Variants in GALNT13 observed in about 807,000 individuals in gnomAD.
GALNT13 encodes polypeptide N-acetylgalactosaminyltransferase 13, also known as UDP-GalNAc:polypeptide N-acetylgalactosaminyltransferase 13.
In GALNT13, 28 loss-of-function variants were observed where a neutral mutation model predicts 64.2. The observed-to-expected ratio is 0.44, with a 90% confidence interval of 0.32 to 0.60. The LOEUF (loss-of-function observed/expected upper bound fraction) is 0.60, where lower values mean the gene tolerates loss of function less well. Ranked by LOEUF, GALNT13 falls within the 20% of genes least tolerant of loss-of-function variation. The pLI, the probability that GALNT13 is intolerant of heterozygous loss-of-function variation, is 0.05. For missense variants in GALNT13, 577 were observed against 669.8 expected (o/e 0.86, Z 1.53); for synonymous variants, 214 against 224.6 (o/e 0.95, Z 0.42).
the GALNT13 span, among the ~76,000 whole-genome samples, chr2:153,759,277 AAGTAT>A: frequency 6.6e-6 from 1 of 152,028 alleles, no homozygotes. Flanking sequence ...TCCCATTTGG[AAGTAT>A]TTTATTTGTT....
the GALNT13 span, among the ~76,000 whole-genome samples, chr2:153,644,085 AC>A: frequency 1.3e-4 from 20 of 152,152 alleles, 1 homozygote; most frequent in Middle Eastern, 3.4e-3. Context: ...AAGTAAAAAA[AC>A]TATGAGGAAT....
rs552709001 is a variant in GALNT13 at position 154,402,979 on chromosome 2, T to G, written c.1297-6005T>G. ...GCTAGTATTGAGATACATGTTAAGA[T>G]TTGTTTGTTAAGAATTGTTAGAAAA... On this transcript the variant is annotated intron_variant, in intron 10 of 12. Transcript: ENST00000392825. Among the ~76,000 whole-genome samples, 3 of 152,282 alleles carry G rather than the reference T, an allele frequency of 2.0e-5. No individual in the cohort carries two copies. In the South Asian group the frequency reaches 6.2e-4, roughly 32 times the overall value.
intron 12 of GALNT13, among the ~76,000 whole-genome samples, chr2:154,449,691 G>A (rs1574335616): frequency 1.3e-5 from 2 of 151,692 alleles, no homozygotes; most frequent in South Asian, 4.1e-4. Flanking sequence ...GATTTCCAAT[G>A]TACGTAAAAA....
the GALNT13 span, among the ~76,000 whole-genome samples, chr2:153,141,998 A>G: frequency 1.3e-5 from 2 of 152,076 alleles, no homozygotes; most frequent in Non-Finnish European, 2.9e-5. Context: ...ATGGATAGTA[A>G]TAATAAAGGC....
intron 4 of GALNT13, among the ~76,000 whole-genome samples, chr2:154,146,569 C>A (rs747604923): frequency 8.6e-5 from 13 of 151,936 alleles, no homozygotes; most frequent in Non-Finnish European, 1.8e-4. Flanking sequence ...CATAAAGATC[C>A]TTTTGAGCTG....
chr2:154,170,903 C>T (rs1327005732), intron 4 of GALNT13, among the ~76,000 whole-genome samples: 1 of 152,080 alleles, frequency 6.6e-6, no homozygotes, highest in Non-Finnish European at 1.5e-5. Context: ...TACTCTGGAA[C>T]AACTTGGGTA....
At chr2:154,005,174 T>C (rs1696162524) in intron 3 of GALNT13, among the ~76,000 whole-genome samples, 1 of 152,200 alleles carries the variant, frequency 6.6e-6, no homozygotes, top group Non-Finnish European at 1.5e-5. Flanking sequence ...GATGGTTATA[T>C]TGAAAATGAT....
intron 8 of GALNT13, among the ~76,000 whole-genome samples, chr2:154,272,064 T>C (rs1691383705): frequency 6.6e-6 from 1 of 151,894 alleles, no homozygotes; most frequent in Non-Finnish European, 1.5e-5. Context: ...ATGTATAAAG[T>C]ATACATTTTC....
At chr2:153,520,220 C>A in the GALNT13 span, among the ~76,000 whole-genome samples, 12,046 of 152,068 alleles carry the variant, frequency 0.079, 520 homozygotes, top group East Asian at 0.21. Flanking sequence ...CAGTAAGGTA[C>A]CTTAAGGAAT....
chr2:153,758,097 T>C, the GALNT13 span, among the ~76,000 whole-genome samples: 1 of 152,160 alleles, frequency 6.6e-6, no homozygotes, highest in Non-Finnish European at 1.5e-5. Flanking sequence ...TTTTCTCTTT[T>C]AGTAGTTTTA....
intron 4 of GALNT13, among the ~76,000 whole-genome samples, chr2:154,219,056 C>A (rs1407357358): frequency 2.6e-5 from 4 of 152,008 alleles, no homozygotes; most frequent in Non-Finnish European, 5.9e-5. Context: ...TCCTCTGTAT[C>A]TTTCACCAGA....
At chr2:154,349,135 G>A (rs1435942427) in intron 9 of GALNT13, among the ~76,000 whole-genome samples, 1 of 152,124 alleles carries the variant, frequency 6.6e-6, no homozygotes, top group Non-Finnish European at 1.5e-5. Context: ...ATGTCCACAT[G>A]AGCAATCGTC....
At chr2:153,659,487 C>G in the GALNT13 span, among the ~76,000 whole-genome samples, 28 of 152,088 alleles carry the variant, frequency 1.8e-4, no homozygotes, top group Admixed American at 1.2e-3. Context: ...TCCTTCGAAG[C>G]TTAAGTCTTA....
chr2:153,538,484 G>A, the GALNT13 span, among the ~76,000 whole-genome samples: 2 of 119,124 alleles, frequency 1.7e-5, no homozygotes, highest in African/African-American at 6.8e-5. Context: ...CTGGTGCGCT[G>A]CACCCACTAA....
At chr2:153,660,610 A>ATT in the GALNT13 span, among the ~76,000 whole-genome samples, 1 of 150,642 alleles carries the variant, frequency 6.6e-6, no homozygotes, top group Non-Finnish European at 1.5e-5. Context: ...ATATATACAC[A>ATT]TTATATATAT....
At chr2:154,034,180 G>A (rs902367161) in intron 3 of GALNT13, among the ~76,000 whole-genome samples, 3 of 152,040 alleles carry the variant, frequency 2.0e-5, no homozygotes, top group African/African-American at 7.2e-5. Flanking sequence ...AAATATTATA[G>A]CAGCTTTATT....
At chr2:154,435,750 C>T (rs1700933861) in intron 11 of GALNT13, 1 of 152,130 alleles carries the variant, frequency 6.6e-6, no homozygotes, top group African/African-American at 2.4e-5. Flanking sequence ...GGAATAATAA[C>T]TCTAAATATC....
At chr2:153,264,582 A>T in the GALNT13 span, among the ~76,000 whole-genome samples, 23 of 152,378 alleles carry the variant, frequency 1.5e-4, no homozygotes, top group East Asian at 7.7e-4. Flanking sequence ...TGTGGTACAT[A>T]TGAATCATGG....
the GALNT13 span, among the ~76,000 whole-genome samples, chr2:153,307,020 G>A: frequency 6.6e-6 from 1 of 152,218 alleles, no homozygotes; most frequent in East Asian, 1.9e-4. Context: ...ACAGGCATGA[G>A]CCAACGCACC....
Sources: allele counts gnomAD v4.1 joint callset (sites outside exome capture counted in the v4.1 genomes callset), GRCh38; gene constraint gnomAD v4.1.1; transcripts MANE v1.5; gene names NCBI Gene and HGNC (gene_info 2026-07-23, HGNC 2026-07-21).